Variants in PRKDC observed in about 807,000 individuals in gnomAD.
PRKDC encodes protein kinase, DNA-activated, catalytic subunit.
A neutral mutation model predicts 486.9 loss-of-function variants in PRKDC; 82 were observed. That is an observed-to-expected ratio of 0.17 (90% confidence interval 0.14 to 0.20). PRKDC has a LOEUF of 0.20. PRKDC is among the 10% of genes least tolerant of loss of function. The pLI is 1.00. For synonymous variants in PRKDC, 1,895 were observed against 1,837.0 expected (o/e 1.03, Z -0.81); for missense variants, 4,504 against 5,038.2 (o/e 0.89, Z 3.21).
chr8:47,858,758 C>T (rs1300137229), intron 47 of PRKDC, 91 bp downstream of exon 47: 3 of 1,491,548 alleles, frequency 2.0e-6, no homozygotes, highest in East Asian at 4.7e-5. Flanking sequence ...ATTTGATAAG[C>T]AGTTTGGTTT....
intron 63 of PRKDC, among the ~76,000 whole-genome samples, chr8:47,824,211 A>C (rs2087673637): frequency 6.6e-6 from 1 of 152,188 alleles, no homozygotes; most frequent in African/African-American, 2.4e-5. Context: ...GAAATTATTC[A>C]GATGTGCATT....
chr8:47,826,703 C>A lies in PRKDC; in HGVS notation c.8736G>T (p.Gly2912=). ...GGACATCAGGAGGGAGGCGGGCCTT[C>A]CCACGGACTCGCTTGGCAGGCAGCT... is the stretch of plus-strand genomic sequence containing the variant. ...PAELPAKRVR[G]KARLPPDVLR... Residue 2912 remains glycine, a synonymous_variant, in exon 63 of 86, where the codon GGG becomes GGT. Transcript: ENST00000314191. The A allele has an allele frequency of 6.2e-7, 1 of 1,613,276 alleles. No homozygotes were observed. Among genetic ancestry groups the A allele is most frequent in the South Asian group, 1.1e-5 (1 of 91,018 alleles).
Position 47,840,065 on chromosome 8 carries a change from ATGT to A in PRKDC, c.7402_7404del (p.Thr2468del). ...AGAATATTATACATTTGTTCCCTAC[ATGT>A]TGTAGAAGGATGGGAAACGAATTCC... On this transcript the variant is annotated inframe_deletion, in exon 55 of 86. Coordinates refer to ENST00000314191, the MANE Select transcript of PRKDC (RefSeq NM_006904.7). 6.4e-7 allele frequency: 1 copy of A among 1,561,014 alleles called. No homozygotes were observed. The highest frequency in any genetic ancestry group is 8.7e-7 in the Non-Finnish European group (1 of 1,150,560).
chr8:47,850,425 G>T (rs765571467), intron 52 of PRKDC, among the ~76,000 whole-genome samples: 1 of 152,122 alleles, frequency 6.6e-6, no homozygotes, highest in Non-Finnish European at 1.5e-5. Flanking sequence ...TTTGAATTAG[G>T]GATGCTCAAA....
In PRKDC at chr8:47,778,732, A is replaced by G; in HGVS notation, c.11647T>C (p.Leu3883=). 1.2e-6 allele frequency: 2 copies of G among 1,613,806 alleles called. No homozygotes were observed. Among genetic ancestry groups the G allele is most frequent in the Middle Eastern group, 1.6e-4 (1 of 6,062 alleles). Residue 3883 remains leucine (L), a synonymous_variant, in exon 82 of 86, where the codon TTA becomes CTA. Coordinates refer to ENST00000314191, the MANE Select transcript of PRKDC (RefSeq NM_006904.7). ...TGAGGGCAGAAGGGTACTTACTTTAAGAGATCAGCAGGCACTTTACTTTCT... is the reference window on the plus strand; with the variant it reads ...TGAGGGCAGAAGGGTACTTACTTTAGGAGATCAGCAGGCACTTTACTTTCT... ...KRESKVPADL[L]KRAFVRMSTS...
chr8:47,862,323 A>C (rs755973367), intron 43 of PRKDC, 50 bp downstream of exon 43: 184 of 1,541,936 alleles, frequency 1.2e-4, no homozygotes, highest in Non-Finnish European at 1.6e-4. Flanking sequence ...ATATAATCTA[A>C]CTTTTGAACT....
intron 67 of PRKDC, among the ~76,000 whole-genome samples, chr8:47,818,946 C>A (rs1477012663): frequency 6.6e-6 from 1 of 152,200 alleles, no homozygotes; most frequent in South Asian, 2.1e-4. Context: ...TGATGTGGGC[C>A]CTGCTGCCCG....
chr8:47,912,862 A>G (rs1316654989), intron 24 of PRKDC, among the ~76,000 whole-genome samples: 1 of 152,232 alleles, frequency 6.6e-6, no homozygotes, highest in Non-Finnish European at 1.5e-5. Context: ...CTGTTAGCAC[A>G]TTTTCAACTA....
intron 74 of PRKDC, among the ~76,000 whole-genome samples, chr8:47,790,833 T>C (rs2154497841): frequency 6.6e-6 from 1 of 152,270 alleles, no homozygotes; most frequent in Non-Finnish European, 1.5e-5. Context: ...CTCCAATAAA[T>C]GGTCCTGGGA....
chr8:47,901,512 T>C (rs369586849), intron 27 of PRKDC, among the ~76,000 whole-genome samples: 4 of 152,000 alleles, frequency 2.6e-5, no homozygotes, highest in East Asian at 3.9e-4. Context: ...AGAAAAACCA[T>C]GAAACAACCT....
chr8:47,899,082 G>C (rs1470907234), intron 28 of PRKDC, among the ~76,000 whole-genome samples: 1 of 152,192 alleles, frequency 6.6e-6, no homozygotes, highest in Non-Finnish European at 1.5e-5. Context: ...AGATGGTGAA[G>C]TCACTCACAG....
At chr8:47,924,060 T>G (rs1278069458) in intron 21 of PRKDC, among the ~76,000 whole-genome samples, 1 of 152,256 alleles carries the variant, frequency 6.6e-6, no homozygotes, top group African/African-American at 2.4e-5. Flanking sequence ...CACTGCTTCC[T>G]ATTTGATTAC....
chr8:47,826,516 G>T, intron 63 of PRKDC, 140 bp downstream of exon 63: 1 of 873,920 alleles, frequency 1.1e-6, no homozygotes, highest in African/African-American at 1.7e-5. Context: ...TACTCAGCCT[G>T]AAAGACTTTT....
chr8:47,928,296 C>A (rs920473975), intron 19 of PRKDC, among the ~76,000 whole-genome samples: 20 of 151,426 alleles, frequency 1.3e-4, no homozygotes, highest in Non-Finnish European at 2.4e-4. Flanking sequence ...GGATTACAGG[C>A]ATGTACAACC....
At chr8:47,935,995 T>C in intron 12 of PRKDC, 95 bp from the exon 13 acceptor site, 1 of 1,214,644 alleles carries the variant, frequency 8.2e-7, no homozygotes, top group Non-Finnish European at 1.1e-6. Flanking sequence ...CTGAATTAGA[T>C]ACTTATTAAA....
At chr8:47,882,632 G>A (rs749081300) in intron 36 of PRKDC, among the ~76,000 whole-genome samples, 3 of 152,036 alleles carry the variant, frequency 2.0e-5, no homozygotes, top group Non-Finnish European at 4.4e-5. Context: ...ACACGCAAAC[G>A]CACACTTCTT....
intron 52 of PRKDC, 38 bp from the exon 53 acceptor site, chr8:47,849,541 G>C: frequency 6.2e-7 from 1 of 1,603,050 alleles, no homozygotes; most frequent in Non-Finnish European, 8.5e-7. Flanking sequence ...CACAAAAGTG[G>C]AAATGTAGGT....
chr8:47,799,475 TA>T (rs1204735598), intron 71 of PRKDC, 85 bp from the exon 72 acceptor site: 114 of 1,255,802 alleles, frequency 9.1e-5, no homozygotes, highest in Admixed American at 1.9e-4. Flanking sequence ...TCATGACACA[TA>T]AATGGATCAA....
intron 30 of PRKDC, among the ~76,000 whole-genome samples, chr8:47,894,931 C>T (rs2089545321): frequency 1.3e-5 from 2 of 152,110 alleles, no homozygotes; most frequent in Non-Finnish European, 2.9e-5. Context: ...TAAAAATGAG[C>T]CAGGCCTGGT....
Sources: allele counts gnomAD v4.1 joint callset (sites outside exome capture counted in the v4.1 genomes callset), GRCh38; gene constraint gnomAD v4.1.1; transcripts MANE v1.5; gene names NCBI Gene and HGNC (gene_info 2026-07-23, HGNC 2026-07-21).